The following CASKIN1 variants were observed in gnomAD, a reference collection of about 807,000 sequenced individuals.
CASKIN1 encodes caskin-1.
A neutral mutation model predicts 117.5 loss-of-function variants in CASKIN1; 42 were observed. That is an observed-to-expected ratio of 0.36 (90% CI 0.28 to 0.46). The LOEUF (loss-of-function observed/expected upper bound fraction) is 0.46, where lower values mean the gene tolerates loss of function less well. Among genes scored for constraint, CASKIN1 ranks in the 20% least tolerant of loss-of-function variants. The pLI, the probability that CASKIN1 is intolerant of heterozygous loss-of-function variation, is 1.00. For missense variants in CASKIN1, 2,083 were observed against 2,077.3 expected (o/e 1.00, Z -0.05); for synonymous variants, 1,148 against 961.7 (o/e 1.19, Z -3.59).
In CASKIN1 at chr16:2,182,682, T is replaced by C. The variant is rs534027944; in HGVS notation, c.1630-753A>G. On this transcript the variant is annotated intron_variant, in intron 16 of 19. Transcript: ENST00000343516. The surrounding 1 kb of genome is among the most constrained non-coding windows in gnomAD (Gnocchi z 4.1). ...TGACAGCCACCGATCGCCTCTCCCG[T>C]TGGGAGCCCAGAGCTCAGTGTGAGG... 1.8e-4 allele frequency among the ~76,000 whole-genome samples: 27 copies of C among 152,296 alleles called. No homozygotes were observed. In the East Asian group the frequency reaches 2.5e-3, roughly 14 times the overall value.
In CASKIN1 at chr16:2,185,375, T is replaced by C. The variant is rs2093180954; in HGVS notation, c.1082A>G (p.Gln361Arg). 2 of 1,611,246 alleles carry C rather than the reference T, an allele frequency of 1.2e-6. No homozygotes were observed. The highest frequency in any genetic ancestry group is 1.7e-6 in the Non-Finnish European group (2 of 1,178,690). ...SRAGTEPSLP[Q>R]GSSSSGPSAP... ...AGAGGGTCCCGATGAGCTGCTTCCC[T>C]GGGGCAGGCTTGGTTCAGTGCCTGC... The change falls in exon 11 of 20, where the codon CAG becomes CGG. Residue 361 changes from glutamine to arginine, a missense_variant. Around this residue, in one of 3 missense-constraint regions of CASKIN1, gnomAD observed 1,818 missense variants for 1,688.9 expected, o/e 1.08. Transcript: ENST00000343516.
intron 1 of CASKIN1, among the ~76,000 whole-genome samples, chr16:2,191,562 C>T (rs2093201765): frequency 6.6e-6 from 1 of 152,200 alleles, no homozygotes; most frequent in Non-Finnish European, 1.5e-5. Context: ...AGTCAGGACT[C>T]GGTGCATGGC....
Position 2,180,873 on chromosome 16 carries a change from A to C in CASKIN1, c.2495T>G (p.Phe832Cys), listed in dbSNP as rs745583820. Reference sequence around the variant, plus strand: ...CACGGGCTGGGGCAGCACGTAGGCAAAGCCGCGGTGCGTCGGTGACTGAGG... The same window carrying C: ...CACGGGCTGGGGCAGCACGTAGGCACAGCCGCGGTGCGTCGGTGACTGAGG... ...SLPQSPTHRG[F>C]AYVLPQPVEG... Residue 832 changes from phenylalanine (F) to cysteine (C), a missense_variant, in exon 18 of 20, where the codon TTT becomes TGT. By Grantham distance (205) the Phe-to-Cys change is radical. Around this residue, in one of 3 missense-constraint regions of CASKIN1, gnomAD observed 1,818 missense variants for 1,688.9 expected, o/e 1.08. Transcript: ENST00000343516. 21 of 1,419,780 alleles carry C rather than the reference A, an allele frequency of 1.5e-5. No homozygotes were observed. Among genetic ancestry groups the C allele is most frequent in the Non-Finnish European group, 1.9e-5 (21 of 1,093,848 alleles). 87.9% of individuals were successfully genotyped at this position (1,419,780 alleles called of 1,614,324 possible).
chr16:2,188,598 T>A (rs553415565), intron 6 of CASKIN1, among the ~76,000 whole-genome samples: 5 of 152,144 alleles, frequency 3.3e-5, no homozygotes, highest in Admixed American at 3.3e-4. Flanking sequence ...CAATCCTCCC[T>A]CCTTGGCCTC....
chr16:2,186,067 G>A (rs1468129753), intron 10 of CASKIN1, among the ~76,000 whole-genome samples: 1 of 152,056 alleles, frequency 6.6e-6, no homozygotes, highest in Non-Finnish European at 1.5e-5. Flanking sequence ...CACTTCCCAG[G>A]CTCAAGCAAT....
At position 2,181,537 on chromosome 16, in the gene CASKIN1, C is replaced by T. The variant is rs368506468; in HGVS notation, c.1831G>A (p.Ala611Thr). The change falls in exon 18 of 20, where the codon GCC (alanine) becomes ACC (threonine). Residue 611 changes from alanine to threonine, a missense_variant. Coordinates refer to ENST00000343516, the MANE Select transcript of CASKIN1 (RefSeq NM_020764.4). ...KLAELQKAEYAKYEGGPLRRK... is the reference protein window; with the variant it reads ...KLAELQKAEYTKYEGGPLRRK... ...CGCAGGGGGCCCCCCTCATACTTGG[C>T]GTATTCAGCCTTCTGCAGCTCTGCC... 40 of 1,599,106 alleles carry T rather than the reference C, an allele frequency of 2.5e-5. No homozygotes were observed. The Middle Eastern group carries it at 5.0e-4, about 20-fold the overall frequency.
In CASKIN1 at chr16:2,186,014, C is replaced by G. The variant is rs1173447465; in HGVS notation, c.1049-606G>C. Among the ~76,000 whole-genome samples, 8 of 152,292 alleles carry G rather than the reference C, an allele frequency of 5.3e-5. No individual in the cohort carries two copies. The East Asian group carries it at 1.5e-3, about 29-fold the overall frequency. On this transcript the variant is annotated intron_variant, in intron 10 of 19. Coordinates refer to ENST00000343516, the MANE Select transcript of CASKIN1 (RefSeq NM_020764.4). ...TATTTTTTTTTGAGACAGGGTCTTG[C>G]TCTGTCACTCAGGCTGGTGCAATCT...
chr16:2,178,460 TCGCGCCGCGCCCAGA>T lies in CASKIN1; in HGVS notation c.*75_*89del. ...CTTCTGCAGGGCCCTGCCCGGCCGC[TCGCGCCGCGCCCAGA>T]CGCGCCCATCCTGAGGTATAGGTCA... On this transcript the variant is annotated 3_prime_UTR_variant, in exon 20 of 20. Transcript: ENST00000343516. 1 of 1,062,842 alleles carries T rather than the reference TCGCGCCGCGCCCAGA, an allele frequency of 9.4e-7. No individual in the cohort carries two copies. The highest frequency in any genetic ancestry group is 1.3e-6 in the Non-Finnish European group (1 of 782,600). The allele number at this position is 1,062,842 out of a possible 1,614,324, so 65.8% of individuals were successfully genotyped here.
intron 10 of CASKIN1, among the ~76,000 whole-genome samples, chr16:2,186,379 G>C (rs1196454843): frequency 6.6e-6 from 1 of 152,090 alleles, no homozygotes; most frequent in Non-Finnish European, 1.5e-5. Context: ...CTGTGCTCCG[G>C]GTCACATGTC....
At position 2,189,310 on chromosome 16, in the gene CASKIN1, C is replaced by T. The variant is rs757562107; in HGVS notation, c.414G>A (p.Gln138=). 7 of 1,613,096 alleles carry T rather than the reference C, an allele frequency of 4.3e-6. No individual in the cohort carries two copies. The highest frequency in any genetic ancestry group is 5.9e-6 in the Non-Finnish European group (7 of 1,179,922). ...AGTTGTCCACCATGCACGGGTTAGA[C>T]TGGTGCTGTAGCAGCATCTCAGACT... ...YDVSEMLLQH[Q]SNPCMVDNSG... is the part of the protein sequence containing the mutation. The change falls in exon 5 of 20, where the codon CAG becomes CAA. Residue 138 remains glutamine, a synonymous_variant. Coordinates refer to ENST00000343516, the MANE Select transcript of CASKIN1 (RefSeq NM_020764.4).
rs1489541054 is a variant in CASKIN1, at chr16:2,179,448, C to T, written c.3776-123G>A. On this transcript the variant is annotated intron_variant, in intron 18 of 19. Transcript: ENST00000343516. This position sits in a 1 kb window ranked among gnomAD's most constrained non-coding sequence, Gnocchi z 5.8. ...AGACCCTGCTCACCTTGCCCCCAGC[C>T]CTGGATGGATGAGAGGGTCTGGGGA... 10 of 1,386,600 alleles carry T rather than the reference C, an allele frequency of 7.2e-6. No individual in the cohort carries two copies. In the East Asian group the frequency reaches 1.4e-4, roughly 20 times the overall value. 85.9% of individuals were successfully genotyped at this position (1,386,600 alleles called of 1,614,324 possible). A position where few individuals can be genotyped will look rare whatever the true frequency, so the allele number is the denominator to read the frequency against.
chr16:2,193,281 T>C (rs1029287674), intron 1 of CASKIN1, among the ~76,000 whole-genome samples: 2 of 152,222 alleles, frequency 1.3e-5, no homozygotes, highest in Non-Finnish European at 2.9e-5. Flanking sequence ...CCTCCCAAAG[T>C]GCTGGGATGA....
Position 2,187,052 on chromosome 16 carries a change from C to G in CASKIN1, c.856G>C (p.Val286Leu). Reference protein sequence around the residue: ...LLREASAALQVRATKDYCNNY... With the variant: ...LLREASAALQLRATKDYCNNY... ...TTGCAATAATCCTTGGTCGCCCGGA[C>G]CTGCAGGGCCGCTGAGGCCTCTGGG... The change falls in exon 9 of 20, where the codon GTC becomes CTC. Residue 286 changes from valine to leucine, a missense_variant. Val to Leu is a conservative substitution (Grantham distance 32). Around this residue, in one of 3 missense-constraint regions of CASKIN1, gnomAD observed 1,818 missense variants for 1,688.9 expected, o/e 1.08. Transcript: ENST00000343516. The G allele has an allele frequency of 1.2e-6, 2 of 1,613,694 alleles. No individual in the cohort carries two copies. Among genetic ancestry groups the G allele is most frequent in the Non-Finnish European group, 1.7e-6 (2 of 1,179,914 alleles).
intron 1 of CASKIN1, among the ~76,000 whole-genome samples, chr16:2,191,533 G>A (rs994997544): frequency 3.9e-5 from 6 of 152,208 alleles, no homozygotes; most frequent in African/African-American, 1.4e-4. Flanking sequence ...CAGACATAAA[G>A]CGTGCGCGGC....
rs769869395 is a variant in CASKIN1 at position 2,186,768 on chromosome 16, C to G, written c.987G>C (p.Thr329=). The G allele has an allele frequency of 6.2e-7, 1 of 1,613,032 alleles. No homozygotes were observed. Among genetic ancestry groups the G allele is most frequent in the Non-Finnish European group, 8.5e-7 (1 of 1,179,968 alleles). Residue 329 remains threonine (T), a synonymous_variant, in exon 10 of 20, where the codon ACG becomes ACC. Transcript: ENST00000343516. ...RWKGCIHDNR[T]GNDRVGYFPS... ...GGAAGTAGCCCACCCGGTCATTGCC[C>G]GTCCGGTTGTCATGGATGCAGCCCT...
Position 2,181,865 on chromosome 16 carries a change from T to A in CASKIN1, c.1694A>T (p.Asn565Ile). The A allele has an allele frequency of 6.2e-7, 1 of 1,613,802 alleles. No individual in the cohort carries two copies. Among genetic ancestry groups the A allele is most frequent in the Non-Finnish European group, 8.5e-7 (1 of 1,179,982 alleles). The stretch of plus-strand genomic sequence containing the variant: ...GATGAAATCAATGTTCTCGTAGCCA[T>A]TGTCCACCAACACCTTGTAGTACTG... ...LAQYYKVLVD[N>I]GYENIDFITD... The change falls in exon 17 of 20, where the codon AAT becomes ATT. Residue 565 changes from asparagine (N) to isoleucine (I), a missense_variant. Transcript: ENST00000343516.
At chr16:2,193,910 G>C (rs1050842333) in intron 1 of CASKIN1, among the ~76,000 whole-genome samples, 1 of 152,208 alleles carries the variant, frequency 6.6e-6, no homozygotes, top group African/African-American at 2.4e-5. Flanking sequence ...GCTGGGGGCT[G>C]TTTTCACCTG....
In CASKIN1 at chr16:2,181,299, G is replaced by T. The variant is rs563407426; in HGVS notation, c.2069C>A (p.Thr690Lys). Residue 690 changes from threonine to lysine, a missense_variant, in exon 18 of 20, where the codon ACG becomes AAG. By Grantham distance (78) the Thr-to-Lys change is moderately conservative (BLOSUM62 -1). Transcript: ENST00000343516. ...SHLPPTPRAT[T>K]RQDSSLGGRA... ...ACCACCCAGGCTGGAGTCCTGCCGCGTGGTGGCCCTCGGGGTGGGTGGCAG... is the reference window on the plus strand; with the variant it reads ...ACCACCCAGGCTGGAGTCCTGCCGCTTGGTGGCCCTCGGGGTGGGTGGCAG... The T allele has an allele frequency of 3.1e-6, 5 of 1,603,740 alleles. No individual in the cohort carries two copies. Among genetic ancestry groups the T allele is most frequent in the Middle Eastern group, 1.7e-4 (1 of 6,044 alleles).
rs759251758 is a variant in CASKIN1 at position 2,181,942 on chromosome 16, C to T, written c.1630-13G>A. ...CGGCCAGGTTAGCCTACAGAGCAGA[C>T]ACACAGAGGAGCCACCTGGGCTGGC... On this transcript the variant is annotated splice_polypyrimidine_tract_variant and intron_variant, in intron 16 of 19. Coordinates refer to ENST00000343516, the MANE Select transcript of CASKIN1 (RefSeq NM_020764.4). 1.9e-6 allele frequency: 3 copies of T among 1,612,642 alleles called. No homozygotes were observed. In the South Asian group the frequency reaches 3.3e-5, roughly 18 times the overall value.
Sources: gnomAD v4.1 joint callset for allele counts (sites outside exome capture counted in the v4.1 genomes callset) on GRCh38, gnomAD v4.1.1 for gene constraint, gnomAD v4.1.1 regional missense constraint, Gnocchi (gnomAD v3.1) non-coding constraint, MANE v1.5 for transcripts, NCBI Gene and HGNC (gene_info 2026-07-23, HGNC 2026-07-21) for gene names.